Variants in DCLK1 observed in about 807,000 individuals in gnomAD.
DCLK1 encodes the protein doublecortin like kinase 1, also known as serine/threonine-protein kinase DCLK1.
Under a neutral mutation model 86.2 loss-of-function variants are expected in DCLK1, and 16 were observed. The ratio of observed to expected loss-of-function variants is 0.19; its 90% confidence interval spans 0.13 to 0.28. DCLK1 has a LOEUF of 0.28. Among genes scored for constraint, DCLK1 ranks in the 10% least tolerant of loss-of-function variants. The probability of loss-of-function intolerance (pLI) is 1.00; values close to 1 mark genes in which losing one functional copy is unlikely to be tolerated. For missense variants in DCLK1, 590 were observed against 940.2 expected (o/e 0.63, Z 4.87); for synonymous variants, 369 against 370.5 (o/e 1.00, Z 0.05).
intron 4 of DCLK1, among the ~76,000 whole-genome samples, chr13:35,897,472 G>T (rs1302839577): frequency 6.6e-6 from 1 of 152,172 alleles, no homozygotes; most frequent in East Asian, 1.9e-4. Flanking sequence ...AATAGCCAAG[G>T]GGTGAAGAAA....
intron 3 of DCLK1, among the ~76,000 whole-genome samples, chr13:35,987,770 C>G (rs751888639): frequency 6.6e-6 from 1 of 152,192 alleles, no homozygotes; most frequent in African/African-American, 2.4e-5. Flanking sequence ...GTCTGTAACA[C>G]TTGCTTCTTT....
chr13:35,819,591 C>T (rs933350222), intron 11 of DCLK1, among the ~76,000 whole-genome samples: 5 of 152,092 alleles, frequency 3.3e-5, no homozygotes, highest in Non-Finnish European at 7.4e-5. Flanking sequence ...CTTTTAATAA[C>T]GTAGTAAAAC....
chr13:36,091,120 CT>C (rs1254054429), intron 3 of DCLK1, among the ~76,000 whole-genome samples: 5 of 152,146 alleles, frequency 3.3e-5, no homozygotes, highest in African/African-American at 9.7e-5. Context: ...TAAAAATTTT[CT>C]CCCATTCTGT....
intron 3 of DCLK1, among the ~76,000 whole-genome samples, chr13:36,087,482 G>T (rs1377298303): frequency 6.6e-6 from 1 of 152,132 alleles, no homozygotes; most frequent in South Asian, 2.1e-4. Flanking sequence ...TTAGGTATTC[G>T]TTTGGTAATC....
intron 3 of DCLK1, among the ~76,000 whole-genome samples, chr13:35,950,933 G>A (rs1021254234): frequency 2.0e-5 from 3 of 151,868 alleles, no homozygotes; most frequent in African/African-American, 7.3e-5. Flanking sequence ...CACCAAGTCA[G>A]TCCAGGGCTC....
chr13:35,986,077 G>A (rs563717036), intron 3 of DCLK1, among the ~76,000 whole-genome samples: 6 of 152,042 alleles, frequency 3.9e-5, no homozygotes, highest in Non-Finnish European at 7.4e-5. Flanking sequence ...GTCGAGGCAG[G>A]CAGATCACAA....
Position 36,101,705 on chromosome 13 carries a change from G to A in DCLK1, c.723+10164C>T, listed in dbSNP as rs917885027. Among the ~76,000 whole-genome samples, 13 of 151,948 alleles carry A rather than the reference G, an allele frequency of 8.6e-5. No homozygotes were observed. The South Asian group carries it at 2.3e-3, about 27-fold the overall frequency. Reference sequence around the variant, plus strand: ...CTGGTGGCCTTGCTGCTGCTGTCCCGGGACCACTCTTGGTACTGAGGTTTT... The same window carrying A: ...CTGGTGGCCTTGCTGCTGCTGTCCCAGGACCACTCTTGGTACTGAGGTTTT... On this transcript the variant is annotated intron_variant, in intron 3 of 16. Coordinates refer to ENST00000360631, the MANE Select transcript of DCLK1 (RefSeq NM_001330071.2).
intron 15 of DCLK1, among the ~76,000 whole-genome samples, chr13:35,802,607 C>A (rs1172132278): frequency 6.6e-6 from 1 of 152,076 alleles, no homozygotes; most frequent in African/African-American, 2.4e-5. Context: ...ACTAGCTACA[C>A]AACGCATTAC....
chr13:35,930,436 A>G (rs1394069864), intron 4 of DCLK1, among the ~76,000 whole-genome samples: 2 of 152,172 alleles, frequency 1.3e-5, no homozygotes, highest in East Asian at 3.9e-4. Flanking sequence ...GACTTGTTAA[A>G]AAGAAATTAA....
At chr13:35,999,462 C>T (rs12427588) in intron 3 of DCLK1, among the ~76,000 whole-genome samples, 50,152 of 151,844 alleles carry the variant, frequency 0.33, 10,381 homozygotes, top group Non-Finnish European at 0.44. Context: ...TGGCCTCACT[C>T]TTTTTTCCTT....
At chr13:35,860,494 C>A (rs1871320094) in intron 5 of DCLK1, among the ~76,000 whole-genome samples, 1 of 151,960 alleles carries the variant, frequency 6.6e-6, no homozygotes, top group African/African-American at 2.4e-5. Context: ...ACAATGGGTC[C>A]AATTCAAAGA....
chr13:36,105,137 T>C (rs1885344684), intron 3 of DCLK1, among the ~76,000 whole-genome samples: 1 of 152,224 alleles, frequency 6.6e-6, no homozygotes, highest in Non-Finnish European at 1.5e-5. Flanking sequence ...CTAATGAGTA[T>C]TCAAGTCAGG....
intron 3 of DCLK1, among the ~76,000 whole-genome samples, chr13:36,103,404 T>TAAAAAA (rs71084406): frequency 9.2e-6 from 1 of 109,096 alleles, no homozygotes; most frequent in African/African-American, 3.5e-5. Context: ...ACACCTGTCT[T>TAAAAAA]AAAAAAAAAA....
rs1229745812 is a variant in DCLK1, at chr13:35,774,478, GA to G, written c.*56del. 1.8e-5 allele frequency: 27 copies of G among 1,538,364 alleles called. No homozygotes were observed. The highest frequency in any genetic ancestry group is 7.4e-5 in the East Asian group (3 of 40,710). On this transcript the variant is annotated 3_prime_UTR_variant, in exon 17 of 17. Transcript: ENST00000360631. The stretch of plus-strand genomic sequence containing the variant: ...GAAACTGTTTTACACAAATTTGGGG[GA>G]AAAAAATCTCAGAGTCTCAAAGGGT...
At chr13:35,973,494 C>T (rs996761883) in intron 3 of DCLK1, among the ~76,000 whole-genome samples, 1 of 152,202 alleles carries the variant, frequency 6.6e-6, no homozygotes, top group African/African-American at 2.4e-5. Flanking sequence ...TCCTCTCTAA[C>T]AAGGCATGCC....
intron 6 of DCLK1, chr13:35,846,978 CTAT>C: frequency 1.0e-6 from 1 of 985,108 alleles, no homozygotes; most frequent in Non-Finnish European, 1.2e-6. Context: ...GGATTTTCTT[CTAT>C]TTATGTTCCA....
rs537348635 is a variant in DCLK1, at chr13:36,052,332, C to T, written c.723+59537G>A. ...ACTCTTAGCAATGACAAGATCATTA[C>T]CCTACAGAAATTCAAAGAAGAATTT... On this transcript the variant is annotated intron_variant, in intron 3 of 16. Coordinates refer to ENST00000360631, the MANE Select transcript of DCLK1 (RefSeq NM_001330071.2). Among the ~76,000 whole-genome samples, 18 of 152,140 alleles carry T rather than the reference C, an allele frequency of 1.2e-4. 1 individual carries two copies. In the East Asian group the frequency reaches 3.5e-3, roughly 30 times the overall value.
chr13:35,912,744 A>T (rs1424923822), intron 4 of DCLK1, among the ~76,000 whole-genome samples: 1 of 152,196 alleles, frequency 6.6e-6, no homozygotes, highest in East Asian at 1.9e-4. Flanking sequence ...ACCCAAAAAA[A>T]GCTATCACAG....
At chr13:36,014,826 A>T (rs1008632677) in intron 3 of DCLK1, among the ~76,000 whole-genome samples, 3 of 152,228 alleles carry the variant, frequency 2.0e-5, no homozygotes, top group Non-Finnish European at 4.4e-5. Flanking sequence ...GACTCATCAG[A>T]ATTTCAAGTA....
Sources: allele counts gnomAD v4.1 joint callset (sites outside exome capture counted in the v4.1 genomes callset), GRCh38; gene constraint gnomAD v4.1.1; transcripts MANE v1.5; gene names NCBI Gene and HGNC (gene_info 2026-07-23, HGNC 2026-07-21).